PPP1R16B: variants seen among roughly 807,000 people sequenced by gnomAD.
PPP1R16B encodes the protein protein phosphatase 1 regulatory subunit 16B.
In PPP1R16B, 14 loss-of-function variants were observed where a neutral mutation model predicts 61.7. The observed-to-expected ratio is 0.23, with a 90% CI of 0.15 to 0.35. The LOEUF (loss-of-function observed/expected upper bound fraction) is 0.35. Ranked by LOEUF, PPP1R16B falls within the 10% of genes least tolerant of loss-of-function variation. PPP1R16B has a pLI of 1.00. For synonymous variants in PPP1R16B, 266 were observed against 305.3 expected (o/e 0.87, Z 1.34); for missense variants, 547 against 752.5 (o/e 0.73, Z 3.19).
rs745971869 is a variant in PPP1R16B, at chr20:38,918,152, C to T, written c.1195-5C>T. ...AGCTGGTAATGTTGTCCTTCTCACT[C>T]GCAGAACCCCAGGCTGGAGAAGCCC... is the stretch of plus-strand genomic sequence containing the variant. On this transcript the variant is annotated splice_region_variant and splice_polypyrimidine_tract_variant and intron_variant, in intron 10 of 10. Coordinates refer to ENST00000299824, the MANE Select transcript of PPP1R16B (RefSeq NM_015568.4). The surrounding 1 kb of genome is among the most constrained non-coding windows in gnomAD (Gnocchi z 5.3). 1.8e-5 allele frequency: 29 copies of T among 1,612,556 alleles called. No homozygotes were observed. Among genetic ancestry groups the T allele is most frequent in the Middle Eastern group, 1.7e-4 (1 of 6,058 alleles).
At chr20:38,911,893 GCTC>G (rs2085493552) in intron 10 of PPP1R16B, among the ~76,000 whole-genome samples, 3 of 152,164 alleles carry the variant, frequency 2.0e-5, no homozygotes, top group African/African-American at 7.2e-5. Context: ...TGTGAATAAA[GCTC>G]CTATAAACAT....
At chr20:38,855,668 G>A (rs6028167) in intron 2 of PPP1R16B, among the ~76,000 whole-genome samples, 100,264 of 151,170 alleles carry the variant, frequency 0.66, 33,700 homozygotes, top group African/African-American at 0.77. Flanking sequence ...CTGGTGAAGA[G>A]GAGGAGCCCC....
At chr20:38,863,749 C>G (rs2085071619) in intron 2 of PPP1R16B, among the ~76,000 whole-genome samples, 1 of 152,202 alleles carries the variant, frequency 6.6e-6, no homozygotes, top group Admixed American at 6.5e-5. Flanking sequence ...GAGGTTAATT[C>G]CCATCTTTTC....
chr20:38,808,940 C>T (rs999124901), intron 1 of PPP1R16B, among the ~76,000 whole-genome samples: 2 of 151,534 alleles, frequency 1.3e-5, no homozygotes, highest in African/African-American at 2.4e-5. Context: ...GGCTGAGGCA[C>T]GAGAATTGCT....
chr20:38,897,200 G>A (rs540562134), intron 4 of PPP1R16B, among the ~76,000 whole-genome samples: 15 of 152,254 alleles, frequency 9.9e-5, no homozygotes, highest in South Asian at 6.2e-4. Context: ...GGTGGCTCAC[G>A]CCTGTAATCC....
chr20:38,873,976 G>T (rs1053906669), intron 2 of PPP1R16B, among the ~76,000 whole-genome samples: 2 of 151,962 alleles, frequency 1.3e-5, no homozygotes, highest in African/African-American at 2.4e-5. Context: ...TTATCTGCCC[G>T]CCTCGGCCTC....
chr20:38,844,701 A>G (rs2084926763), intron 2 of PPP1R16B, among the ~76,000 whole-genome samples: 1 of 152,350 alleles, frequency 6.6e-6, no homozygotes, highest in South Asian at 2.1e-4. Context: ...ATACAAAACA[A>G]TGAAGATGGT....
Position 38,919,013 on chromosome 20 carries a change from CA to C in PPP1R16B, c.*348del. ...TGCATGTCACATTAACACACACACA[CA>C]CACACATATACACACACACACAAGC... On this transcript the variant is annotated 3_prime_UTR_variant, in exon 11 of 11. Coordinates refer to ENST00000299824, the MANE Select transcript of PPP1R16B (RefSeq NM_015568.4). The C allele has an allele frequency of 4.7e-6, 1 of 214,264 alleles. No homozygotes were observed. The highest frequency in any genetic ancestry group is 9.3e-6 in the Non-Finnish European group (1 of 107,486). 13.3% of individuals were successfully genotyped at this position (214,264 alleles called of 1,614,324 possible). A position where few individuals can be genotyped will look rare whatever the true frequency, so the allele number is the denominator to read the frequency against.
intron 1 of PPP1R16B, among the ~76,000 whole-genome samples, chr20:38,818,252 G>A (rs974791110): frequency 3.3e-5 from 5 of 152,144 alleles, no homozygotes; most frequent in African/African-American, 9.7e-5. Context: ...GACTCATTGC[G>A]GGGATTAAAG....
intron 5 of PPP1R16B, among the ~76,000 whole-genome samples, chr20:38,901,156 A>G (rs1488581556): frequency 1.3e-5 from 2 of 152,224 alleles, no homozygotes. Context: ...AGATGCAGCA[A>G]TGAGAGACCT....
intron 2 of PPP1R16B, among the ~76,000 whole-genome samples, chr20:38,842,645 G>C (rs2084915124): frequency 6.6e-6 from 1 of 152,012 alleles, no homozygotes; most frequent in South Asian, 2.1e-4. Flanking sequence ...GTTCTGACTG[G>C]GGTCAGGTGG....
intron 6 of PPP1R16B, among the ~76,000 whole-genome samples, chr20:38,903,579 G>GTCCATCCATCCA: frequency 1.0e-5 from 1 of 97,386 alleles, no homozygotes; most frequent in Non-Finnish European, 2.2e-5. Flanking sequence ...CCGTCCGTCC[G>GTCCATCCATCCA]TCCATCCATC....
At chr20:38,911,286 C>T (rs2085487696) in intron 10 of PPP1R16B, among the ~76,000 whole-genome samples, 1 of 151,194 alleles carries the variant, frequency 6.6e-6, no homozygotes, top group African/African-American at 2.4e-5. Flanking sequence ...CCTGCCTCAG[C>T]CTCCCTAGTA....
chr20:38,809,985 GAA>G lies in PPP1R16B; in HGVS notation c.-102+4213_-102+4214del, dbSNP rs11086731. Reference sequence around the variant, plus strand: ...GGGCAACAGAGTAAGACCTTGTTTCGAAAAAAAAAAAAAAAAAAAAACAAAAC... The same window carrying G: ...GGGCAACAGAGTAAGACCTTGTTTCGAAAAAAAAAAAAAAAAAAACAAAAC... On this transcript the variant is annotated intron_variant, in intron 1 of 10. Transcript: ENST00000299824. Among the ~76,000 whole-genome samples, 11 of 80,142 alleles carry G rather than the reference GAA, an allele frequency of 1.4e-4. No individual in the cohort carries two copies. In the East Asian group the frequency reaches 2.3e-3, roughly 17 times the overall value. 52.6% of individuals were successfully genotyped at this position (80,142 alleles called of 152,430 possible). A position where few individuals can be genotyped will look rare whatever the true frequency, so the allele number is the denominator to read the frequency against.
chr20:38,894,805 G>C (rs2085322082), intron 3 of PPP1R16B, among the ~76,000 whole-genome samples: 1 of 152,198 alleles, frequency 6.6e-6, no homozygotes, highest in Admixed American at 6.5e-5. Context: ...TGTCCCTGGA[G>C]CCTGGGGGCC....
intron 2 of PPP1R16B, among the ~76,000 whole-genome samples, chr20:38,874,222 G>A (rs2085150544): frequency 6.6e-6 from 1 of 152,164 alleles, no homozygotes. Flanking sequence ...TCAGTCCACA[G>A]ATCTCCAAAG....
At position 38,918,150 on chromosome 20, in the gene PPP1R16B, C is replaced by A; in HGVS notation, c.1195-7C>A. ...CCAGCTGGTAATGTTGTCCTTCTCA[C>A]TCGCAGAACCCCAGGCTGGAGAAGC... is the stretch of plus-strand genomic sequence containing the variant. On this transcript the variant is annotated splice_region_variant and splice_polypyrimidine_tract_variant and intron_variant, in intron 10 of 10. Transcript: ENST00000299824. This position sits in a 1 kb window ranked among gnomAD's most constrained non-coding sequence, Gnocchi z 5.3. 6.2e-7 allele frequency: 1 copy of A among 1,612,548 alleles called. No homozygotes were observed. Among genetic ancestry groups the A allele is most frequent in the Non-Finnish European group, 8.5e-7 (1 of 1,178,650 alleles).
chr20:38,815,335 A>G (rs1258988662), intron 1 of PPP1R16B, among the ~76,000 whole-genome samples: 1 of 152,242 alleles, frequency 6.6e-6, no homozygotes, highest in Non-Finnish European at 1.5e-5. Context: ...ACATGCCAAC[A>G]CACAGATATA....
chr20:38,893,782 A>G (rs927930542), intron 3 of PPP1R16B, among the ~76,000 whole-genome samples: 1 of 152,042 alleles, frequency 6.6e-6, no homozygotes, highest in Non-Finnish European at 1.5e-5. Context: ...TCTATCTCAC[A>G]AGACTCTGCC....
Sources: gnomAD v4.1 joint callset for allele counts (sites outside exome capture counted in the v4.1 genomes callset) on GRCh38, gnomAD v4.1.1 for gene constraint, Gnocchi (gnomAD v3.1) non-coding constraint, MANE v1.5 for transcripts, NCBI Gene and HGNC (gene_info 2026-07-23, HGNC 2026-07-21) for gene names.